TNFRSF13B: variants seen among roughly 807,000 people sequenced by gnomAD.
TNFRSF13B encodes tumor necrosis factor receptor superfamily member 13B.
In TNFRSF13B, 34 loss-of-function variants were observed where a neutral mutation model predicts 24.0. That is an observed-to-expected ratio of 1.41 (90% CI 1.08 to 1.88). TNFRSF13B has a LOEUF of 1.88. Ranked by LOEUF, TNFRSF13B falls within the 40% of genes most tolerant of loss-of-function variation. The pLI is 0.00. For synonymous variants in TNFRSF13B, 173 were observed against 150.3 expected, an observed-to-expected ratio of 1.15 and a Z score of -1.10; for missense variants, 415 against 380.8, an observed-to-expected ratio of 1.09 and a Z score of -0.75.
At chr17:16,951,068 T>G (rs929515532) in intron 2 of TNFRSF13B, among the ~76,000 whole-genome samples, 1 of 152,200 alleles carries the variant, frequency 6.6e-6, no homozygotes, top group African/African-American at 2.4e-5. Flanking sequence ...ACTCCATCTA[T>G]GTTTGTGGGA....
chr17:16,958,271 CA>C (rs1028645668), intron 1 of TNFRSF13B, among the ~76,000 whole-genome samples: 2 of 151,320 alleles, frequency 1.3e-5, no homozygotes, highest in South Asian at 2.1e-4. Context: ...TGGCCCACTA[CA>C]AAAAAAATGA....
At position 16,944,958 on chromosome 17, in the gene TNFRSF13B, C is replaced by A. The variant is rs531263298; in HGVS notation, c.445+3780G>T. Reference sequence around the variant, plus strand: ...TGAATAGGTCCACCTCTGGGTCCCTCCCCTGGCCATGTGGCTCTGTACTTC... The same window carrying A: ...TGAATAGGTCCACCTCTGGGTCCCTACCCTGGCCATGTGGCTCTGTACTTC... On this transcript the variant is annotated intron_variant, in intron 3 of 4. Coordinates refer to ENST00000261652, the MANE Select transcript of TNFRSF13B (RefSeq NM_012452.3). 2.6e-5 allele frequency among the ~76,000 whole-genome samples: 4 copies of A among 152,274 alleles called. No homozygotes were observed. In the East Asian group the frequency reaches 7.7e-4, roughly 29 times the overall value.
intron 1 of TNFRSF13B, among the ~76,000 whole-genome samples, chr17:16,959,151 C>G (rs1014826395): frequency 6.6e-6 from 1 of 151,842 alleles, no homozygotes; most frequent in East Asian, 1.9e-4. Flanking sequence ...TGGTATAAAA[C>G]TACAGATCAA....
At chr17:16,950,250 G>A (rs914543813) in intron 2 of TNFRSF13B, among the ~76,000 whole-genome samples, 83 of 152,254 alleles carry the variant, frequency 5.5e-4, no homozygotes, top group African/African-American at 1.9e-3. Context: ...CCACTTGCAG[G>A]CAGTGTGGTC....
At chr17:16,950,751 C>G (rs2087583026) in intron 2 of TNFRSF13B, among the ~76,000 whole-genome samples, 1 of 152,094 alleles carries the variant, frequency 6.6e-6, no homozygotes, top group African/African-American at 2.4e-5. Flanking sequence ...CCCCTCCCTG[C>G]CTGACCTCAC....
At chr17:16,941,880 T>C (rs982966673) in intron 3 of TNFRSF13B, among the ~76,000 whole-genome samples, 3 of 152,240 alleles carry the variant, frequency 2.0e-5, no homozygotes, top group African/African-American at 7.2e-5. Context: ...CTTTTATGCC[T>C]GGCTCCTTGC....
chr17:16,969,573 T>C (rs2087729558), intron 1 of TNFRSF13B, among the ~76,000 whole-genome samples: 2 of 152,172 alleles, frequency 1.3e-5, no homozygotes, highest in South Asian at 4.1e-4. Context: ...CTTTTTGGGG[T>C]CATCAAAATC....
chr17:16,943,291 A>T (rs756690420), intron 3 of TNFRSF13B, among the ~76,000 whole-genome samples: 3 of 152,200 alleles, frequency 2.0e-5, no homozygotes, highest in African/African-American at 7.2e-5. Flanking sequence ...ACGAGAGAGA[A>T]GCCATGTGAA....
At chr17:16,948,150 A>C (rs1295077763) in intron 3 of TNFRSF13B, among the ~76,000 whole-genome samples, 2 of 152,210 alleles carry the variant, frequency 1.3e-5, no homozygotes, top group Non-Finnish European at 2.9e-5. Context: ...ACAGATGGAC[A>C]TAAAGACAGG....
In TNFRSF13B at chr17:16,939,289, C is replaced by A. The variant is rs2087487463; in HGVS notation, c.*258G>T. On this transcript the variant is annotated 3_prime_UTR_variant, in exon 5 of 5. Transcript: ENST00000261652. ...CCTCTCTGTCTCTCTGCCTCTCTCCCTCTCTGCCTCTCTCCCTCTCTGCCT... is the reference window on the plus strand; with the variant it reads ...CCTCTCTGTCTCTCTGCCTCTCTCCATCTCTGCCTCTCTCCCTCTCTGCCT... 4.1e-6 allele frequency: 2 copies of A among 482,280 alleles called. No homozygotes were observed. The highest frequency in any genetic ancestry group is 7.3e-6 in the Non-Finnish European group (2 of 273,838). The allele number at this position is 482,280 out of a possible 1,614,324, so 29.9% of individuals were successfully genotyped here.
At chr17:16,945,177 A>G (rs2143650102) in intron 3 of TNFRSF13B, among the ~76,000 whole-genome samples, 1 of 152,324 alleles carries the variant, frequency 6.6e-6, no homozygotes, top group East Asian at 1.9e-4. Flanking sequence ...AGGGTGAGGC[A>G]TGGTAATGCC....
intron 3 of TNFRSF13B, chr17:16,941,145 G>A: frequency 1.2e-6 from 1 of 848,806 alleles, no homozygotes; most frequent in Non-Finnish European, 1.4e-6. Flanking sequence ...AGAAAAAATG[G>A]CTGCAGAGGT....
intron 1 of TNFRSF13B, among the ~76,000 whole-genome samples, chr17:16,971,797 C>T (rs1358716297): frequency 2.0e-5 from 3 of 152,148 alleles, no homozygotes; most frequent in East Asian, 1.9e-4. Flanking sequence ...AACCCTGCAA[C>T]CTCAGTGGCT....
At chr17:16,962,492 G>A (rs2143679290) in intron 1 of TNFRSF13B, among the ~76,000 whole-genome samples, 1 of 151,300 alleles carries the variant, frequency 6.6e-6, no homozygotes, top group Non-Finnish European at 1.5e-5. Flanking sequence ...GGGCCACAGA[G>A]TGAGACTCGG....
chr17:16,965,741 C>A (rs950225739), intron 1 of TNFRSF13B, among the ~76,000 whole-genome samples: 2 of 152,050 alleles, frequency 1.3e-5, no homozygotes, highest in Admixed American at 6.5e-5. Context: ...AGTGACTGGG[C>A]CAGAAACGAG....
intron 1 of TNFRSF13B, among the ~76,000 whole-genome samples, chr17:16,970,124 A>G (rs1239857089): frequency 6.6e-6 from 1 of 152,126 alleles, no homozygotes; most frequent in Non-Finnish European, 1.5e-5. Flanking sequence ...CCCCTCCTCT[A>G]CCACCATGTG....
intron 3 of TNFRSF13B, among the ~76,000 whole-genome samples, chr17:16,943,844 G>T (rs1260382505): frequency 6.6e-6 from 1 of 152,230 alleles, no homozygotes; most frequent in East Asian, 1.9e-4. Context: ...AGGGCAGGCT[G>T]CCTGGGCCAC....
At chr17:16,956,766 A>T (rs988278448) in intron 1 of TNFRSF13B, among the ~76,000 whole-genome samples, 3 of 152,268 alleles carry the variant, frequency 2.0e-5, no homozygotes, top group African/African-American at 7.2e-5. Context: ...AAAGCTAAAA[A>T]GTCTACTGTA....
At chr17:16,957,021 G>T (rs576213084) in intron 1 of TNFRSF13B, among the ~76,000 whole-genome samples, 1 of 152,156 alleles carries the variant, frequency 6.6e-6, no homozygotes, top group South Asian at 2.1e-4. Flanking sequence ...TGATAACGAC[G>T]TGTCAGTGTA....
Sources: allele counts gnomAD v4.1 joint callset (sites outside exome capture counted in the v4.1 genomes callset), GRCh38; gene constraint gnomAD v4.1.1; transcripts MANE v1.5; gene names NCBI Gene and HGNC (gene_info 2026-07-23, HGNC 2026-07-21).